The following NUP85 variants were observed in gnomAD, a reference collection of about 807,000 sequenced individuals.
NUP85 encodes the protein nucleoporin 85, also known as nuclear pore complex protein Nup85.
Under a neutral mutation model 92.8 loss-of-function variants are expected in NUP85, and 23 were observed. That is an observed-to-expected ratio of 0.25 (90% confidence interval 0.18 to 0.35). The LOEUF is 0.35. NUP85 is among the 10% of genes least tolerant of loss of function. NUP85 has a pLI of 1.00. For synonymous variants in NUP85, 314 were observed against 306.9 expected (o/e 1.02, Z -0.24); for missense variants, 759 against 822.8 (o/e 0.92, Z 0.95).
chr17:75,219,090 T>C (rs2075521542), intron 7 of NUP85, among the ~76,000 whole-genome samples: 1 of 151,978 alleles, frequency 6.6e-6, no homozygotes, highest in Non-Finnish European at 1.5e-5. Flanking sequence ...AATTGGGAGG[T>C]GGCAGGGAGG....
chr17:75,212,078 G>A lies in NUP85; in HGVS notation c.361+16G>A, dbSNP rs111569279. ...CAGGTTGCAAGTAAGGACTGTGTGCGCGTGCGCGCGTGTGTGTGTGTGTGT... is the reference window on the plus strand; with the variant it reads ...CAGGTTGCAAGTAAGGACTGTGTGCACGTGCGCGCGTGTGTGTGTGTGTGT... On this transcript the variant is annotated intron_variant, in intron 4 of 18. Coordinates refer to ENST00000245544, the MANE Select transcript of NUP85 (RefSeq NM_024844.5). 278 of 1,480,308 alleles carry A rather than the reference G, an allele frequency of 1.9e-4. No individual in the cohort carries two copies. Among genetic ancestry groups the A allele is most frequent in the African/African-American group, 5.8e-4 (28 of 48,654 alleles). The allele number at this position is 1,480,308 out of a possible 1,614,324, so 91.7% of individuals were successfully genotyped here.
chr17:75,225,284 T>C, intron 8 of NUP85, 47 bp downstream of exon 8: 1 of 1,610,468 alleles, frequency 6.2e-7, no homozygotes, highest in Non-Finnish European at 8.5e-7. Flanking sequence ...AGATGCGTGA[T>C]TCACTAAATA....
intron 11 of NUP85, chr17:75,229,257 C>G: frequency 1.5e-6 from 1 of 653,258 alleles, no homozygotes; most frequent in Non-Finnish European, 1.9e-6. Context: ...TGTTTACAAA[C>G]CTCACACCCC....
chr17:75,206,793 G>C (rs1049370387), intron 1 of NUP85, among the ~76,000 whole-genome samples: 2 of 151,984 alleles, frequency 1.3e-5, no homozygotes, highest in East Asian at 3.9e-4. Flanking sequence ...CGCCTCCCGG[G>C]TTCACACCAT....
At chr17:75,232,785 A>G in intron 14 of NUP85, 66 bp from the exon 15 acceptor site, 1 of 1,456,418 alleles carries the variant, frequency 6.9e-7, no homozygotes, top group South Asian at 1.1e-5. Context: ...TCCGGTCCCC[A>G]CAGGGCTCAG....
chr17:75,235,588 T>C lies in NUP85; in HGVS notation c.1880T>C (p.Ile627Thr). Residue 627 changes from isoleucine (I) to threonine (T), a missense_variant, in exon 19 of 19, where the codon ATA becomes ACA. By Grantham distance (89) the Ile-to-Thr change is moderately conservative. Transcript: ENST00000245544. ...CTCTCTGCTTTGCAGGATGATGACA[T>C]AGAGACCACCAAGGTGGAAATGCTG... is the stretch of plus-strand genomic sequence containing the variant. ...SDTEQLQDDD[I>T]ETTKVEMLRL... 2 of 1,613,760 alleles carry C rather than the reference T, an allele frequency of 1.2e-6. No individual in the cohort carries two copies. Among genetic ancestry groups the C allele is most frequent in the Admixed American group, 3.3e-5 (2 of 60,018 alleles).
intron 2 of NUP85, among the ~76,000 whole-genome samples, chr17:75,209,472 A>T (rs1404007766): frequency 2.3e-5 from 3 of 132,012 alleles, no homozygotes; most frequent in African/African-American, 8.8e-5. Context: ...TTTGAGACGG[A>T]GTCTCGCTCT....
chr17:75,212,164 T>A (rs1355532185), intron 4 of NUP85, 102 bp downstream of exon 4: 1 of 706,096 alleles, frequency 1.4e-6, no homozygotes, highest in Non-Finnish European at 2.3e-6. Context: ...GTTTGATTGA[T>A]ATTCCAGTCC....
chr17:75,210,464 T>C (rs2075222003), intron 3 of NUP85, among the ~76,000 whole-genome samples: 1 of 152,208 alleles, frequency 6.6e-6, no homozygotes. Flanking sequence ...TTGTAGACTT[T>C]TGGGACCCAC....
intron 7 of NUP85, among the ~76,000 whole-genome samples, 194 bp from the exon 8 acceptor site, chr17:75,224,909 C>T (rs1390421669): frequency 6.6e-6 from 1 of 151,678 alleles, no homozygotes; most frequent in East Asian, 1.9e-4. Context: ...GGTGACAAAG[C>T]CATGAGATTG....
chr17:75,211,889 C>G (rs1235363645), intron 3 of NUP85, 103 bp from the exon 4 acceptor site: 1 of 908,506 alleles, frequency 1.1e-6, no homozygotes, highest in Non-Finnish European at 1.8e-6. Context: ...AACGGCTCTC[C>G]TCTTTCTTTC....
At chr17:75,233,436 T>TA (rs1568096351) in intron 16 of NUP85, among the ~76,000 whole-genome samples, 11 of 33,396 alleles carry the variant, frequency 3.3e-4, no homozygotes, top group Non-Finnish European at 1.5e-4. Context: ...TTTTATTTTT[T>TA]CTTTTTTTTT....
chr17:75,231,517 G>T lies in NUP85; in HGVS notation c.1179-56G>T. ...TGCCTGAAAGGGAGGTTGGGCTAAG[G>T]GGGCCCTGAACAGGGCAGGCCAGGA... On this transcript the variant is annotated intron_variant, in intron 12 of 18. Coordinates refer to ENST00000245544, the MANE Select transcript of NUP85 (RefSeq NM_024844.5). The surrounding 1 kb of genome is among the most constrained non-coding windows in gnomAD (Gnocchi z 4.6). 1 of 1,607,500 alleles carries T rather than the reference G, an allele frequency of 6.2e-7. No homozygotes were observed.
chr17:75,233,208 G>A, intron 16 of NUP85, 50 bp downstream of exon 16: 2 of 1,514,844 alleles, frequency 1.3e-6, no homozygotes, highest in Non-Finnish European at 1.8e-6. Flanking sequence ...GTGGGTAGTT[G>A]GGGAGGTTGG....
intron 4 of NUP85, among the ~76,000 whole-genome samples, chr17:75,212,378 C>T (rs1240432648): frequency 6.7e-6 from 1 of 148,446 alleles, no homozygotes; most frequent in African/African-American, 2.5e-5. Flanking sequence ...AAACGATTCT[C>T]TAGCCTCAGC....
intron 14 of NUP85, 84 bp downstream of exon 14, chr17:75,232,063 C>G: frequency 2.1e-6 from 3 of 1,440,548 alleles, no homozygotes; most frequent in Non-Finnish European, 2.8e-6. Context: ...CCTACCCCAG[C>G]CATCCTCCTC....
intron 11 of NUP85, among the ~76,000 whole-genome samples, chr17:75,226,556 C>CAAG (rs951740319): frequency 2.0e-4 from 30 of 152,186 alleles, no homozygotes; most frequent in Middle Eastern, 6.8e-3. Flanking sequence ...GCCTAATCAC[C>CAAG]TCTTAGAGGC....
intron 11 of NUP85, among the ~76,000 whole-genome samples, chr17:75,229,584 G>A (rs996508595): frequency 7.9e-5 from 12 of 152,334 alleles, no homozygotes; most frequent in Non-Finnish European, 1.6e-4. Context: ...GACAGAGTGA[G>A]AGTGGGAGTG....
At chr17:75,235,033 G>A in intron 17 of NUP85, 67 bp from the exon 18 acceptor site, 5 of 1,307,554 alleles carry the variant, frequency 3.8e-6, no homozygotes. Flanking sequence ...TCCGAACATG[G>A]GCCCCTGCCC....
Sources: gnomAD v4.1 joint callset for allele counts (sites outside exome capture counted in the v4.1 genomes callset) on GRCh38, gnomAD v4.1.1 for gene constraint, Gnocchi (gnomAD v3.1) non-coding constraint, MANE v1.5 for transcripts, NCBI Gene and HGNC (gene_info 2026-07-23, HGNC 2026-07-21) for gene names.